Variants in CNOT6 observed in about 807,000 individuals in gnomAD.
The protein encoded by CNOT6 is CCR4-NOT transcription complex subunit 6.
Under a neutral mutation model 61.2 loss-of-function variants are expected in CNOT6, and 12 were observed. That is an observed-to-expected ratio of 0.20 (90% CI 0.13 to 0.32). CNOT6 has a LOEUF of 0.32. Among genes scored for constraint, CNOT6 ranks in the 10% least tolerant of loss-of-function variants. The probability of loss-of-function intolerance (pLI) is 1.00; values close to 1 mark genes in which losing one functional copy is unlikely to be tolerated. For synonymous variants in CNOT6, 225 were observed against 240.6 expected (o/e 0.94, Z 0.60); for missense variants, 405 against 663.9 (o/e 0.61, Z 4.28).
intron 1 of CNOT6, chr5:180,495,375 G>C (rs1756560708): frequency 6.6e-6 from 1 of 152,252 alleles, no homozygotes; most frequent in Non-Finnish European, 1.5e-5. Context: ...TCTACAAGCA[G>C]TTTTCTCTGG....
chr5:180,569,043 C>T, intron 9 of CNOT6, 67 bp from the exon 10 acceptor site: 2 of 1,160,234 alleles, frequency 1.7e-6, no homozygotes, highest in Non-Finnish European at 2.5e-6. Context: ...CTTTCAGACG[C>T]TGTAAGAATA....
intron 1 of CNOT6, among the ~76,000 whole-genome samples, chr5:180,497,998 A>G (rs960071800): frequency 6.6e-6 from 1 of 151,628 alleles, no homozygotes; most frequent in Non-Finnish European, 1.5e-5. Context: ...AGCCGAGAGC[A>G]CGCCATTGCA....
chr5:180,549,430 A>G (rs540463035), intron 2 of CNOT6, among the ~76,000 whole-genome samples: 11 of 152,270 alleles, frequency 7.2e-5, no homozygotes, highest in Non-Finnish European at 1.5e-4. Context: ...CGGGCAGATC[A>G]CAAGGTCAGG....
At chr5:180,552,074 G>C (rs181560218) in intron 3 of CNOT6, among the ~76,000 whole-genome samples, 6 of 151,636 alleles carry the variant, frequency 4.0e-5, no homozygotes, top group African/African-American at 1.5e-4. Flanking sequence ...TCACCATGTT[G>C]GCCAGGCTAG....
intron 9 of CNOT6, among the ~76,000 whole-genome samples, chr5:180,568,654 T>G (rs1760590662): frequency 6.6e-6 from 1 of 152,146 alleles, no homozygotes; most frequent in African/African-American, 2.4e-5. Context: ...AAAGCATATT[T>G]CAAGTGACCA....
At chr5:180,496,176 T>C (rs1018193961) in intron 1 of CNOT6, among the ~76,000 whole-genome samples, 1 of 152,214 alleles carries the variant, frequency 6.6e-6, no homozygotes, top group Non-Finnish European at 1.5e-5. Context: ...GTGCTGCAAT[T>C]ACAGGCATGA....
intron 1 of CNOT6, among the ~76,000 whole-genome samples, chr5:180,496,045 T>G (rs1382501581): frequency 6.6e-6 from 1 of 152,178 alleles, no homozygotes; most frequent in African/African-American, 2.4e-5. Context: ...CCTGACTAGC[T>G]GGGACTACCG....
At chr5:180,550,962 C>T (rs1332485568) in intron 3 of CNOT6, among the ~76,000 whole-genome samples, 1 of 152,062 alleles carries the variant, frequency 6.6e-6, no homozygotes, top group African/African-American at 2.4e-5. Flanking sequence ...TGATCTTGGA[C>T]AACCTTCTTG....
Position 180,574,338 on chromosome 5 carries a change from A to T in CNOT6, c.*138A>T. 1.4e-6 allele frequency: 1 copy of T among 721,076 alleles called. No homozygotes were observed. 44.7% of individuals were successfully genotyped at this position (721,076 alleles called of 1,614,324 possible). A position where few individuals can be genotyped will look rare whatever the true frequency, so the allele number is the denominator to read the frequency against. On this transcript the variant is annotated 3_prime_UTR_variant, in exon 12 of 12. Transcript: ENST00000261951. ...CTTTCAATCTGATTATTTGATAAGG[A>T]TATAGTATGAAAGCCAGGTGCTAGC...
intron 2 of CNOT6, among the ~76,000 whole-genome samples, chr5:180,544,352 C>G (rs1759199302): frequency 6.6e-6 from 1 of 152,192 alleles, no homozygotes; most frequent in South Asian, 2.1e-4. Flanking sequence ...TTAATGAATT[C>G]AAACCTGACA....
chr5:180,570,862 G>A (rs866263841), intron 10 of CNOT6, among the ~76,000 whole-genome samples: 6 of 152,220 alleles, frequency 3.9e-5, no homozygotes, highest in African/African-American at 1.4e-4. Flanking sequence ...ATAATTGAGC[G>A]TAAGCCAGAA....
chr5:180,514,697 CTTAT>C (rs1200745855), intron 1 of CNOT6, among the ~76,000 whole-genome samples: 3 of 152,140 alleles, frequency 2.0e-5, no homozygotes, highest in South Asian at 2.1e-4. Flanking sequence ...TCATGCATTT[CTTAT>C]TTATTCTTTA....
intron 1 of CNOT6, among the ~76,000 whole-genome samples, chr5:180,522,201 T>C (rs1259301781): frequency 1.3e-5 from 2 of 152,166 alleles, no homozygotes; most frequent in Admixed American, 6.5e-5. Flanking sequence ...CTCAGCTCAC[T>C]GCAAACTCCA....
intron 2 of CNOT6, among the ~76,000 whole-genome samples, chr5:180,536,027 A>G (rs35710030): frequency 0.5 from 50,086 of 99,992 alleles, 13,699 homozygotes; most frequent in Middle Eastern, 0.66. Context: ...TGACAGTCTC[A>G]CTCTGTTGCC....
At chr5:180,515,274 A>G (rs1289489013) in intron 1 of CNOT6, among the ~76,000 whole-genome samples, 1 of 152,044 alleles carries the variant, frequency 6.6e-6, no homozygotes, top group East Asian at 1.9e-4. Flanking sequence ...AAAAGAAAGA[A>G]AAAAACAGAA....
intron 10 of CNOT6, among the ~76,000 whole-genome samples, chr5:180,569,968 G>A (rs1760660456): frequency 6.6e-6 from 1 of 152,132 alleles, no homozygotes; most frequent in South Asian, 2.1e-4. Context: ...TATACACACA[G>A]GAATACTCTT....
At position 180,577,588 on chromosome 5, in the gene CNOT6, T is replaced by C. The variant is rs774863017; in HGVS notation, c.*3388T>C. ...CAGTATTTTAAGATGTTCACTTTGCTCTTCTTTTTGGTTACATACATTTTA... is the reference window on the plus strand; with the variant it reads ...CAGTATTTTAAGATGTTCACTTTGCCCTTCTTTTTGGTTACATACATTTTA... On this transcript the variant is annotated 3_prime_UTR_variant, in exon 12 of 12. Coordinates refer to ENST00000261951, the MANE Select transcript of CNOT6 (RefSeq NM_001370472.1). 1 of 152,684 alleles carries C rather than the reference T, an allele frequency of 6.5e-6. No homozygotes were observed. The allele number at this position is 152,684 out of a possible 1,614,324, so 9.5% of individuals were successfully genotyped here.
intron 1 of CNOT6, among the ~76,000 whole-genome samples, chr5:180,526,287 T>C (rs541442492): frequency 5.1e-4 from 77 of 152,138 alleles, no homozygotes; most frequent in Non-Finnish European, 8.7e-4. Context: ...GAGGAAAGAA[T>C]AGCACATATA....
chr5:180,513,469 C>T (rs992740455), intron 1 of CNOT6, among the ~76,000 whole-genome samples: 2 of 151,844 alleles, frequency 1.3e-5, no homozygotes, highest in African/African-American at 2.4e-5. Flanking sequence ...CAGGTTCAAG[C>T]GATTCTCCTG....
Sources: gnomAD v4.1 joint callset for allele counts (sites outside exome capture counted in the v4.1 genomes callset) on GRCh38, gnomAD v4.1.1 for gene constraint, MANE v1.5 for transcripts, NCBI Gene and HGNC (gene_info 2026-07-23, HGNC 2026-07-21) for gene names.